GRM1: variants seen among roughly 807,000 people sequenced by gnomAD.
GRM1 encodes the protein glutamate metabotropic receptor 1.
A neutral mutation model predicts 90.9 loss-of-function variants in GRM1; 33 were observed. The ratio of observed to expected loss-of-function variants is 0.36; its 90% CI spans 0.28 to 0.49. GRM1 has a LOEUF of 0.49. GRM1 is among the 20% of genes least tolerant of loss of function. The probability of loss-of-function intolerance (pLI) is 0.99; values close to 1 mark genes in which losing one functional copy is unlikely to be tolerated. For synonymous variants in GRM1, 700 were observed against 613.2 expected (o/e 1.14, Z -2.09); for missense variants, 1,190 against 1,534.3 (o/e 0.78, Z 3.75).
Position 146,238,226 on chromosome 6 carries a change from GATAA to G in GRM1, c.951-66378_951-66375del, listed in dbSNP as rs571021927. On this transcript the variant is annotated intron_variant, in intron 2 of 7. Coordinates refer to ENST00000282753, the MANE Select transcript of GRM1 (RefSeq NM_001278064.2). ...TACTAATATGCTAACATTCAGAACT[GATAA>G]ATAAATGAAAAATGGATAGGACCTT... is the stretch of plus-strand genomic sequence containing the variant. Among the ~76,000 whole-genome samples the G allele has an allele frequency of 6.6e-5, 10 of 152,224 alleles. No homozygotes were observed. In the South Asian group the frequency reaches 2.1e-3, roughly 32 times the overall value.
At chr6:146,233,048 T>G (rs951815705) in intron 2 of GRM1, among the ~76,000 whole-genome samples, 1 of 152,064 alleles carries the variant, frequency 6.6e-6, no homozygotes, top group African/African-American at 2.4e-5. Context: ...CCAATAATAC[T>G]GTCTTTTCCA....
chr6:146,082,084 G>A (rs1398264246), intron 1 of GRM1, among the ~76,000 whole-genome samples: 1 of 152,108 alleles, frequency 6.6e-6, no homozygotes, highest in Non-Finnish European at 1.5e-5. Context: ...TTGAGACTAG[G>A]AAATAGGTAG....
chr6:146,276,515 G>T (rs73577149), intron 2 of GRM1, among the ~76,000 whole-genome samples: 11,020 of 151,990 alleles, frequency 0.073, 1,352 homozygotes, highest in African/African-American at 0.25. Context: ...TTATGTTAAT[G>T]ATTTTAGTGC....
chr6:146,180,482 T>C (rs1778509690), intron 2 of GRM1, among the ~76,000 whole-genome samples: 1 of 152,180 alleles, frequency 6.6e-6, no homozygotes, highest in Admixed American at 6.5e-5. Context: ...AACTTTTTTT[T>C]TCATCTTTAC....
At chr6:146,380,257 C>A (rs907112318) in intron 5 of GRM1, among the ~76,000 whole-genome samples, 13 of 152,082 alleles carry the variant, frequency 8.5e-5, no homozygotes, top group Non-Finnish European at 1.5e-4. Flanking sequence ...AGACTAGAGT[C>A]AAAAAACTTA....
chr6:146,084,079 A>G (rs1401354774), intron 1 of GRM1, among the ~76,000 whole-genome samples: 1 of 151,952 alleles, frequency 6.6e-6, no homozygotes, highest in Non-Finnish European at 1.5e-5. Context: ...CAGTGGTGAT[A>G]TCCCCTTTTT....
intron 6 of GRM1, among the ~76,000 whole-genome samples, chr6:146,393,176 C>T (rs1357730409): frequency 6.6e-6 from 1 of 152,136 alleles, no homozygotes; most frequent in Non-Finnish European, 1.5e-5. Context: ...CCTATTTCTC[C>T]ATATCCTCTC....
intron 2 of GRM1, among the ~76,000 whole-genome samples, chr6:146,296,009 A>T (rs1783165733): frequency 6.6e-6 from 1 of 152,346 alleles, no homozygotes; most frequent in South Asian, 2.1e-4. Context: ...TTTGCTAAGG[A>T]TAATGGCCTC....
intron 6 of GRM1, among the ~76,000 whole-genome samples, chr6:146,398,201 GA>G: frequency 6.6e-6 from 1 of 152,146 alleles, no homozygotes. Flanking sequence ...TTCATGAGAA[GA>G]GTGAGATTTA....
intron 1 of GRM1, among the ~76,000 whole-genome samples, chr6:146,041,759 C>A (rs1225871843): frequency 6.6e-6 from 1 of 151,992 alleles, no homozygotes; most frequent in Non-Finnish European, 1.5e-5. Context: ...TGATGATAAT[C>A]TTGACACTAG....
At chr6:146,235,744 G>GTA (rs34983727) in intron 2 of GRM1, among the ~76,000 whole-genome samples, 1 of 146,076 alleles carries the variant, frequency 6.8e-6, no homozygotes, top group African/African-American at 2.5e-5. Context: ...GTGTGTGTGT[G>GTA]TTTCGGTGGT....
At chr6:146,116,530 A>T (rs1443254992) in intron 1 of GRM1, among the ~76,000 whole-genome samples, 1 of 152,108 alleles carries the variant, frequency 6.6e-6, no homozygotes, top group Non-Finnish European at 1.5e-5. Flanking sequence ...GGATTTTTAC[A>T]TGTGTTTTTC....
chr6:146,248,424 G>T (rs529612051), intron 2 of GRM1, among the ~76,000 whole-genome samples: 1 of 152,166 alleles, frequency 6.6e-6, no homozygotes, highest in Admixed American at 6.5e-5. Context: ...CTCCCATGCT[G>T]TTCTCGTGAT....
chr6:146,254,938 G>T (rs1781430342), intron 2 of GRM1, among the ~76,000 whole-genome samples: 1 of 152,114 alleles, frequency 6.6e-6, no homozygotes, highest in South Asian at 2.1e-4. Flanking sequence ...CATAGTTTTA[G>T]TCATAGTTTC....
intron 1 of GRM1, among the ~76,000 whole-genome samples, chr6:146,081,811 T>G (rs1465183289): frequency 6.6e-6 from 1 of 152,200 alleles, no homozygotes; most frequent in Non-Finnish European, 1.5e-5. Flanking sequence ...GGCAAACATA[T>G]GAATCCAATC....
intron 7 of GRM1, among the ~76,000 whole-genome samples, chr6:146,428,532 C>T (rs117050885): frequency 0.018 from 2,776 of 152,140 alleles, 38 homozygotes; most frequent in South Asian, 0.03. Context: ...ATGAGAACTC[C>T]AGGTAGAGCT....
chr6:146,210,458 C>T (rs1583168879), intron 2 of GRM1, among the ~76,000 whole-genome samples: 1 of 152,174 alleles, frequency 6.6e-6, no homozygotes, highest in East Asian at 1.9e-4. Context: ...GCCTTCTTTA[C>T]CATACCACAC....
intron 1 of GRM1, among the ~76,000 whole-genome samples, chr6:146,147,848 C>G (rs1433517162): frequency 6.6e-6 from 1 of 151,882 alleles, no homozygotes; most frequent in Non-Finnish European, 1.5e-5. Flanking sequence ...TCTACATCTC[C>G]CAAACTCAGT....
chr6:146,256,066 A>G (rs952302940), intron 2 of GRM1, among the ~76,000 whole-genome samples: 24 of 152,234 alleles, frequency 1.6e-4, no homozygotes, highest in Admixed American at 7.9e-4. Context: ...GGCGAGATAC[A>G]CTTACATCTA....
Sources: allele counts gnomAD v4.1 joint callset (sites outside exome capture counted in the v4.1 genomes callset), GRCh38; gene constraint gnomAD v4.1.1; transcripts MANE v1.5; gene names NCBI Gene and HGNC (gene_info 2026-07-23, HGNC 2026-07-21).